REPS2: variants seen among roughly 807,000 people sequenced by gnomAD.
REPS2 encodes ralBP1-associated Eps domain-containing protein 2.
A neutral mutation model predicts 53.6 loss-of-function variants in REPS2; 23 were observed. The observed-to-expected ratio is 0.43, with a 90% CI of 0.31 to 0.61. REPS2 has a LOEUF of 0.61. Ranked by LOEUF, REPS2 falls within the 20% of genes least tolerant of loss-of-function variation. The pLI is 0.11. For missense variants in REPS2, 446 were observed against 534.9 expected (o/e 0.83, Z 1.64); for synonymous variants, 238 against 218.6 (o/e 1.09, Z -0.78).
At chrX:17,131,411 A>C (rs2063290392) in intron 14 of REPS2, among the ~76,000 whole-genome samples, 2 of 111,556 alleles carry the variant, frequency 1.8e-5, no homozygotes, top group South Asian at 7.5e-4. Context: ...TAGCCATTTC[A>C]GTGGAGTCAG....
At chrX:17,086,526 A>T (rs756738774) in intron 13 of REPS2, among the ~76,000 whole-genome samples, 1 of 112,382 alleles carries the variant, frequency 8.9e-6, no homozygotes, top group Non-Finnish European at 1.9e-5. Flanking sequence ...ATTCCTACTG[A>T]TGTGTTACTG....
intron 1 of REPS2, among the ~76,000 whole-genome samples, chrX:16,997,048 A>G (rs1340999122): frequency 8.9e-6 from 1 of 112,453 alleles, no homozygotes; most frequent in Admixed American, 9.4e-5. Flanking sequence ...GGCTGGTGAG[A>G]TAAGTCTGAG....
intron 14 of REPS2, 62 bp from the exon 15 acceptor site, chrX:17,133,762 T>A (rs778636054): frequency 1.0e-6 from 1 of 975,355 alleles, no homozygotes; most frequent in Non-Finnish European, 1.5e-6. Flanking sequence ...AAGTGCTCTT[T>A]ATTGTATATT....
Position 17,150,872 on chromosome X carries a change from T to G in REPS2, c.*3391T>G, listed in dbSNP as rs182929445. The G allele has an allele frequency of 1.6e-4, 18 of 110,733 alleles. No homozygotes were observed. The highest frequency in any genetic ancestry group is 2.0e-4 in the African/African-American group (6 of 30,333). The allele number at this position is 110,733 out of a possible 1,213,427, so 9.1% of individuals were successfully genotyped here. ...CAATACTAAAAATAGATTAGGAGGGTTTTTTTTTCTGTTTATCATGTTGAA... is the reference window on the plus strand; with the variant it reads ...CAATACTAAAAATAGATTAGGAGGGGTTTTTTTTCTGTTTATCATGTTGAA... On this transcript the variant is annotated 3_prime_UTR_variant, in exon 18 of 18. Transcript: ENST00000357277.
chrX:17,074,009 C>G (rs1280802520), intron 11 of REPS2, 105 bp from the exon 12 acceptor site: 2 of 617,761 alleles, frequency 3.2e-6, no homozygotes, highest in Non-Finnish European at 5.0e-6. Flanking sequence ...CACATGGGCA[C>G]TTTTACCTCA....
chrX:17,076,467 C>T (rs1303664745), intron 12 of REPS2, among the ~76,000 whole-genome samples: 1 of 111,583 alleles, frequency 9.0e-6, no homozygotes, highest in African/African-American at 3.3e-5. Context: ...AGTAGGTCTC[C>T]AATAAATATT....
chrX:17,038,017 AG>A (rs1482162366), intron 5 of REPS2, among the ~76,000 whole-genome samples: 1 of 111,654 alleles, frequency 9.0e-6, no homozygotes, highest in Non-Finnish European at 1.9e-5. Context: ...CTCACAAGGT[AG>A]GTATTATTAC....
rs1415484671 is a variant in REPS2 at position 16,964,532 on chromosome X, A to G, written c.273+17398A>G. Among the ~76,000 whole-genome samples, 39 of 109,833 alleles carry G rather than the reference A, an allele frequency of 3.6e-4. 1 individual carries two copies. The South Asian group carries it at 9.9e-3, about 28-fold the overall frequency. On this transcript the variant is annotated intron_variant, in intron 1 of 17. Transcript: ENST00000357277. The stretch of plus-strand genomic sequence containing the variant: ...CCATTGTCATCATGGCCCGTTCTCA[A>G]TGAGCTGTTGGGTACACCTCCCAGA...
intron 1 of REPS2, among the ~76,000 whole-genome samples, chrX:16,956,601 T>A (rs774761569): frequency 8.9e-6 from 1 of 112,009 alleles, no homozygotes; most frequent in South Asian, 3.7e-4. Context: ...GCTGCTGTGG[T>A]CCCTCCTCCT....
At chrX:16,964,772 T>C (rs1226847924) in intron 1 of REPS2, among the ~76,000 whole-genome samples, 3 of 84,283 alleles carry the variant, frequency 3.6e-5, no homozygotes, top group Non-Finnish European at 4.8e-5. Context: ...ACGGGGCGGC[T>C]GGCCGGGCGG....
At chrX:17,047,774 G>A (rs189515639) in intron 6 of REPS2, among the ~76,000 whole-genome samples, 53 of 112,829 alleles carry the variant, frequency 4.7e-4, no homozygotes, top group African/African-American at 1.6e-3. Flanking sequence ...GCCCCAAGGG[G>A]CCACCTCTCA....
At chrX:16,954,294 T>C (rs1387849098) in intron 1 of REPS2, among the ~76,000 whole-genome samples, 1 of 111,704 alleles carries the variant, frequency 9.0e-6, no homozygotes, top group Non-Finnish European at 1.9e-5. Context: ...ACATCTCAAA[T>C]AAGCAAGTAG....
At chrX:17,106,988 C>G (rs1262605212) in intron 14 of REPS2, among the ~76,000 whole-genome samples, 3 of 111,541 alleles carry the variant, frequency 2.7e-5, no homozygotes, top group African/African-American at 9.8e-5. Context: ...AATAACACCA[C>G]ACATCTACAA....
In REPS2 at chrX:17,054,865, G is replaced by A. The variant is rs748142350; in HGVS notation, c.1029G>A (p.Ala343=). The A allele has an allele frequency of 8.3e-7, 1 of 1,211,276 alleles. No individual in the cohort carries two copies. Among genetic ancestry groups the A allele is most frequent in the Non-Finnish European group, 1.1e-6 (1 of 895,123 alleles). Residue 343 remains alanine (A), a synonymous_variant, in exon 8 of 18, where the codon GCG becomes GCA. Coordinates refer to ENST00000357277, the MANE Select transcript of REPS2 (RefSeq NM_004726.3). ...GALTLPEFCA[A]FHLIVARKNG... is the part of the protein sequence containing the mutation. ...TGACCCTGCCTGAGTTCTGTGCTGC[G>A]TTTCATCTCATTGTGGCTCGGAAGA... is the stretch of plus-strand genomic sequence containing the variant.
intron 1 of REPS2, among the ~76,000 whole-genome samples, chrX:16,979,795 CT>C (rs371364287): frequency 0.015 from 1,479 of 101,653 alleles, 28 homozygotes; most frequent in African/African-American, 0.045. Context: ...TAGGTTATTA[CT>C]TTTTTTTTTT....
chrX:16,968,607 C>T (rs1490261542), intron 1 of REPS2, among the ~76,000 whole-genome samples: 72 of 102,642 alleles, frequency 7.0e-4, no homozygotes, highest in Non-Finnish European at 1.3e-3. Flanking sequence ...GGCAGAGGCG[C>T]CCCTCACCTC....
intron 2 of REPS2, among the ~76,000 whole-genome samples, chrX:17,009,775 C>T (rs1229186434): frequency 9.0e-6 from 1 of 111,387 alleles, no homozygotes; most frequent in Admixed American, 9.6e-5. Flanking sequence ...ATTCCATCCT[C>T]ATCCTTTAAA....
chrX:17,044,693 G>T (rs1284661734), intron 5 of REPS2, among the ~76,000 whole-genome samples: 1 of 111,607 alleles, frequency 9.0e-6, no homozygotes, highest in Non-Finnish European at 1.9e-5. Flanking sequence ...TTCTGTCAGG[G>T]CTGACCTGGA....
intron 13 of REPS2, chrX:17,099,790 C>T: frequency 1.8e-6 from 1 of 564,241 alleles, no homozygotes; most frequent in Non-Finnish European, 3.3e-6. Context: ...TTCTTGTCAT[C>T]ATCCTCTTTG....
Sources: allele counts gnomAD v4.1 joint callset (sites outside exome capture counted in the v4.1 genomes callset), GRCh38; gene constraint gnomAD v4.1.1; transcripts MANE v1.5; gene names NCBI Gene and HGNC (gene_info 2026-07-23, HGNC 2026-07-21).